The following MAS1 variants were observed in gnomAD, a reference collection of about 807,000 sequenced individuals.
MAS1 encodes the protein MAS1 proto-oncogene, G protein-coupled receptor.
For missense variants in MAS1, 387 were observed against 409.7 expected (o/e 0.94, Z 0.48); for synonymous variants, 163 against 164.2 (o/e 0.99, Z 0.05).
rs929903602 is a variant in MAS1 at position 159,906,942 on chromosome 6, C to T, written c.-14C>T. ...CAGAAAATTACCTGAAGAGTTCCAA[C>T]CTGAGGCCTCCTCATGGATGGGTCA... On this transcript the variant is annotated 5_prime_UTR_variant, in exon 3 of 3. Coordinates refer to ENST00000674077, the MANE Select transcript of MAS1 (RefSeq NM_002377.4). 1.3e-6 allele frequency: 2 copies of T among 1,584,576 alleles called. No individual in the cohort carries two copies. Among genetic ancestry groups the T allele is most frequent in the Non-Finnish European group, 1.7e-6 (2 of 1,159,114 alleles).
chr6:159,893,323 G>A (rs1010287937), intron 1 of MAS1, among the ~76,000 whole-genome samples: 1 of 152,222 alleles, frequency 6.6e-6, no homozygotes, highest in African/African-American at 2.4e-5. Context: ...ATATCTGCAT[G>A]GGGGGTACAG....
chr6:159,895,552 A>G (rs1782746025), intron 1 of MAS1, among the ~76,000 whole-genome samples: 1 of 152,262 alleles, frequency 6.6e-6, no homozygotes, highest in Non-Finnish European at 1.5e-5. Flanking sequence ...TTGCAGTTCA[A>G]TAAAAGAAAT....
At chr6:159,891,743 T>C (rs1426432155) in intron 1 of MAS1, among the ~76,000 whole-genome samples, 4 of 152,212 alleles carry the variant, frequency 2.6e-5, no homozygotes, top group Admixed American at 2.0e-4. Context: ...ATCTTTGGTA[T>C]GAGCGTCTTA....
chr6:159,890,013 C>T (rs142663931), upstream of MAS1, among the ~76,000 whole-genome samples: 574 of 152,194 alleles, frequency 3.8e-3, 3 homozygotes, highest in Middle Eastern at 6.8e-3. Flanking sequence ...AGTTGGTCCC[C>T]GAGGTTCTTA....
chr6:159,917,234 T>TG lies in MAS1; in HGVS notation c.*9303dup, dbSNP rs1380274075. Among the ~76,000 whole-genome samples the TG allele has an allele frequency of 7.9e-5, 12 of 152,194 alleles. No individual in the cohort carries two copies. Among genetic ancestry groups the TG allele is most frequent in the Non-Finnish European group, 1.5e-5 (1 of 68,030 alleles). On this transcript the variant is annotated 3_prime_UTR_variant, in exon 3 of 3. Coordinates refer to ENST00000674077, the MANE Select transcript of MAS1 (RefSeq NM_002377.4). ...CTGACCCAAACCTGATGGATGAGAT[T>TG]GGTGTAAAGTGGAGAAATTCTGTTT...
In MAS1 at chr6:159,910,066, A is replaced by G. The variant is rs1313680335; in HGVS notation, c.*2133A>G. 1 of 152,212 alleles carries G rather than the reference A, an allele frequency of 6.6e-6. No homozygotes were observed. Among genetic ancestry groups the G allele is most frequent in the African/African-American group, 2.4e-5 (1 of 41,452 alleles). The allele number at this position is 152,212 out of a possible 1,614,324, so 9.4% of individuals were successfully genotyped here. On this transcript the variant is annotated 3_prime_UTR_variant, in exon 3 of 3. Coordinates refer to ENST00000674077, the MANE Select transcript of MAS1 (RefSeq NM_002377.4). ...TAAGTAAATTTGCAAATATGTAGAG[A>G]ATACTAAATCATTTGTATCCTTTAG...
intron 2 of MAS1, among the ~76,000 whole-genome samples, chr6:159,900,157 G>T (rs535600321): frequency 6.6e-6 from 1 of 152,346 alleles, no homozygotes; most frequent in Admixed American, 6.5e-5. Flanking sequence ...TCACCCTGCA[G>T]TGCAAGTGCC....
At position 159,910,347 on chromosome 6, in the gene MAS1, T is replaced by G. The variant is rs1462306559; in HGVS notation, c.*2414T>G. 2 of 152,248 alleles carry G rather than the reference T, an allele frequency of 1.3e-5. No individual in the cohort carries two copies. Among genetic ancestry groups the G allele is most frequent in the Non-Finnish European group, 2.9e-5 (2 of 68,040 alleles). 9.4% of individuals were successfully genotyped at this position (152,248 alleles called of 1,614,324 possible). A position where few individuals can be genotyped will look rare whatever the true frequency, so the allele number is the denominator to read the frequency against. On this transcript the variant is annotated 3_prime_UTR_variant, in exon 3 of 3. Coordinates refer to ENST00000674077, the MANE Select transcript of MAS1 (RefSeq NM_002377.4). Reference sequence around the variant, plus strand: ...ACACCGCATAACTACAACACCAGGCTGCACACAAGTTTGTTTGACAAGTGT... The same window carrying G: ...ACACCGCATAACTACAACACCAGGCGGCACACAAGTTTGTTTGACAAGTGT...
At position 159,907,879 on chromosome 6, in the gene MAS1, A is replaced by G. The variant is rs373837634; in HGVS notation, c.924A>G (p.Gln308=). 5.0e-6 allele frequency: 8 copies of G among 1,610,514 alleles called. No homozygotes were observed. In the African/African-American group the frequency reaches 1.1e-4, roughly 22 times the overall value. The part of the protein sequence containing the change: ...VLTRAFKDEM[Q]PRRQKDNCNT... The stretch of plus-strand genomic sequence containing the variant: ...CCAGGGCTTTCAAAGATGAAATGCA[A>G]CCTCGGCGCCAGAAAGACAATTGTA... Residue 308 remains glutamine (Q), a synonymous_variant, in exon 3 of 3, where the codon CAA becomes CAG. Transcript: ENST00000674077.
Position 159,907,865 on chromosome 6 carries a change from A to G in MAS1, c.910A>G (p.Lys304Glu), listed in dbSNP as rs774914253. 2 of 1,611,848 alleles carry G rather than the reference A, an allele frequency of 1.2e-6. No homozygotes were observed. The change falls in exon 3 of 3, where the codon AAA becomes GAA. Residue 304 changes from lysine (K) to glutamate (E), a missense_variant. Transcript: ENST00000674077. ...AAAAGTTGTTCTGACCAGGGCTTTC[A>G]AAGATGAAATGCAACCTCGGCGCCA... ...SLKVVLTRAFKDEMQPRRQKD... is the reference protein window; with the variant it reads ...SLKVVLTRAFEDEMQPRRQKD...
chr6:159,899,416 C>T (rs1368578869), intron 2 of MAS1, 24 bp downstream of exon 2: 3 of 152,412 alleles, frequency 2.0e-5, no homozygotes, highest in East Asian at 3.9e-4. Context: ...CCTGCAAATG[C>T]AAGTGCTGTG....
chr6:159,908,297 T>A lies in MAS1; in HGVS notation c.*364T>A, dbSNP rs1264435473. The A allele has an allele frequency of 6.1e-6, 1 of 163,900 alleles. No homozygotes were observed. 10.2% of individuals were successfully genotyped at this position (163,900 alleles called of 1,614,324 possible). A position where few individuals can be genotyped will look rare whatever the true frequency, so the allele number is the denominator to read the frequency against. ...GGAAGAACAAGGGTCGCTTCCTGTG[T>A]GACCTCAGGCAAGTTGTTAAACCTC... On this transcript the variant is annotated 3_prime_UTR_variant, in exon 3 of 3. Transcript: ENST00000674077.
intron 1 of MAS1, among the ~76,000 whole-genome samples, chr6:159,895,333 C>A (rs536336249): frequency 6.6e-6 from 1 of 152,150 alleles, no homozygotes; most frequent in East Asian, 1.9e-4. Context: ...GGGTGGTTTG[C>A]AGTATCTGCA....
rs1782958398 is a variant in MAS1 at position 159,910,975 on chromosome 6, G to A, written c.*3042G>A. ...TCTTCCTGAAATTATCTCTTTTCTTGGATTCTAGTTTGCTACATTTTTCTC... is the reference window on the plus strand; with the variant it reads ...TCTTCCTGAAATTATCTCTTTTCTTAGATTCTAGTTTGCTACATTTTTCTC... On this transcript the variant is annotated 3_prime_UTR_variant, in exon 3 of 3. Coordinates refer to ENST00000674077, the MANE Select transcript of MAS1 (RefSeq NM_002377.4). 6.6e-6 allele frequency: 1 copy of A among 152,068 alleles called. No homozygotes were observed. The highest frequency in any genetic ancestry group is 2.1e-4 in the South Asian group (1 of 4,822). The allele number at this position is 152,068 out of a possible 1,614,324, so 9.4% of individuals were successfully genotyped here.
chr6:159,890,597 C>A (rs776639676), upstream of MAS1, among the ~76,000 whole-genome samples: 28 of 152,200 alleles, frequency 1.8e-4, no homozygotes, highest in Non-Finnish European at 3.1e-4. Flanking sequence ...TACATAGACT[C>A]ATCTCATCAT....
intron 1 of MAS1, among the ~76,000 whole-genome samples, chr6:159,891,818 A>T (rs1419852154): frequency 1.3e-5 from 2 of 152,168 alleles, no homozygotes; most frequent in Non-Finnish European, 2.9e-5. Flanking sequence ...GTGTTGTTAG[A>T]TTGCTATGGG....
chr6:159,894,814 T>C (rs1476035071), intron 1 of MAS1, among the ~76,000 whole-genome samples: 5 of 152,220 alleles, frequency 3.3e-5, no homozygotes, highest in Non-Finnish European at 5.9e-5. Context: ...CCTTCATCAA[T>C]AGATGTGTTT....
chr6:159,891,089 C>A lies in MAS1; in HGVS notation c.-288C>A, dbSNP rs1782694444. On this transcript the variant is annotated 5_prime_UTR_variant, in exon 1 of 3. Coordinates refer to ENST00000674077, the MANE Select transcript of MAS1 (RefSeq NM_002377.4). ...TGATGCCCCAGATGTGAAGGGGCAG[C>A]CAACCTGTTGGCCACGTCTGACCCT... 6.6e-6 allele frequency among the ~76,000 whole-genome samples: 1 copy of A among 152,208 alleles called. No individual in the cohort carries two copies. Among genetic ancestry groups the A allele is most frequent in the Admixed American group, 6.5e-5 (1 of 15,292 alleles).
At chr6:159,896,828 A>G (rs1053778302) in intron 1 of MAS1, among the ~76,000 whole-genome samples, 2 of 152,046 alleles carry the variant, frequency 1.3e-5, no homozygotes, top group African/African-American at 4.8e-5. Context: ...CACTCAAATC[A>G]GTCTCCCTGA....
Sources: allele counts gnomAD v4.1 joint callset (sites outside exome capture counted in the v4.1 genomes callset), GRCh38; gene constraint gnomAD v4.1.1; transcripts MANE v1.5; gene names NCBI Gene and HGNC (gene_info 2026-07-23, HGNC 2026-07-21).